Variants in OR8G5 observed in about 807,000 individuals in gnomAD.
OR8G5 encodes olfactory receptor 8G5.
For synonymous variants in OR8G5, 147 were observed against 147.7 expected, an observed-to-expected ratio of 1.00 and a Z score of 0.03; for missense variants, 347 against 371.9, an observed-to-expected ratio of 0.93 and a Z score of 0.55.
intron 1 of OR8G5, 50 bp downstream of exon 1, chr11:124,256,684 G>T (rs139398882): frequency 6.6e-6 from 1 of 152,178 alleles, no homozygotes; most frequent in African/African-American, 2.4e-5. Context: ...AGGTCTAGAA[G>T]TAATCACTGT....
In OR8G5 at chr11:124,266,079, G is replaced by A; in HGVS notation, c.*212G>A. ...ATTACGAAGACATGATATTTTCTTA[G>A]AAGAAATAATAAGATTGACATAGTG... On this transcript the variant is annotated 3_prime_UTR_variant, in exon 2 of 2. Coordinates refer to ENST00000641992, the MANE Select transcript of OR8G5 (RefSeq NM_001005198.2). 1.7e-6 allele frequency: 1 copy of A among 583,402 alleles called. No homozygotes were observed. The highest frequency in any genetic ancestry group is 2.8e-6 in the Non-Finnish European group (1 of 359,490). The allele number at this position is 583,402 out of a possible 1,614,324, so 36.1% of individuals were successfully genotyped here.
intron 1 of OR8G5, 85 bp from the exon 2 acceptor site, chr11:124,264,833 A>C (rs377735388): frequency 1.3e-6 from 2 of 1,541,864 alleles, no homozygotes; most frequent in Non-Finnish European, 1.8e-6. Flanking sequence ...TTAAATGATC[A>C]TATATAAACA....
Position 124,266,011 on chromosome 11 carries a change from G to A in OR8G5, c.*144G>A, listed in dbSNP as rs1862027122. On this transcript the variant is annotated 3_prime_UTR_variant, in exon 2 of 2. Coordinates refer to ENST00000641992, the MANE Select transcript of OR8G5 (RefSeq NM_001005198.2). ...ACTGACGTTATGTCTTATGCACATG[G>A]TCTATTTCATGCCATTTCCCTCTCA... The A allele has an allele frequency of 9.9e-7, 1 of 1,014,100 alleles. No homozygotes were observed. The highest frequency in any genetic ancestry group is 2.6e-5 in the East Asian group (1 of 37,770). 62.8% of individuals were successfully genotyped at this position (1,014,100 alleles called of 1,614,324 possible).
chr11:124,261,224 T>TTTCTC (rs1861968452), intron 1 of OR8G5, among the ~76,000 whole-genome samples: 1 of 151,382 alleles, frequency 6.6e-6, no homozygotes, highest in African/African-American at 2.4e-5. Flanking sequence ...GTTTGTCTAA[T>TTTCTC]TTAAGATTAC....
chr11:124,265,452 TCAAC>T lies in OR8G5; in HGVS notation c.524_527del (p.Asn175IlefsTer10). The T allele has an allele frequency of 6.2e-7, 1 of 1,614,052 alleles. No individual in the cohort carries two copies. Among genetic ancestry groups the T allele is most frequent in the Non-Finnish European group, 8.5e-7 (1 of 1,179,896 alleles). On this transcript the variant is annotated frameshift_variant, in exon 2 of 2. Transcript: ENST00000641992. LOFTEE classifies it low-confidence loss of function (END_TRUNC). ...GTTCAATTCTGCAAATTTGATGTGA[TCAAC>T]CATTATTTCTGTGATCTTATTTCTA...
At chr11:124,261,958 C>T (rs1861975655) in intron 1 of OR8G5, among the ~76,000 whole-genome samples, 1 of 151,742 alleles carries the variant, frequency 6.6e-6, no homozygotes. Context: ...GTGTCTTAAA[C>T]TGTATAATAT....
At chr11:124,264,145 G>A (rs1862003753) in intron 1 of OR8G5, among the ~76,000 whole-genome samples, 1 of 151,838 alleles carries the variant, frequency 6.6e-6, no homozygotes, top group East Asian at 1.9e-4. Flanking sequence ...TTATTAATAG[G>A]TTAATAATGT....
Position 124,265,596 on chromosome 11 carries a change from TTG to T in OR8G5, c.666_667del (p.Ala223GlnfsTer9), listed in dbSNP as rs750348206. On this transcript the variant is annotated frameshift_variant, in exon 2 of 2. Transcript: ENST00000641992. LOFTEE classifies it low-confidence loss of function (END_TRUNC). ...ATCCTCAGCTCTTACATCTTCATCA[TTG>T]CCAGCATCCTCCGCATTCGCTACAC... 2.6e-5 allele frequency: 42 copies of T among 1,613,924 alleles called. No homozygotes were observed. The highest frequency in any genetic ancestry group is 3.5e-5 in the Non-Finnish European group (41 of 1,179,866).
At chr11:124,259,050 A>C (rs1323122557) in intron 1 of OR8G5, among the ~76,000 whole-genome samples, 2 of 152,224 alleles carry the variant, frequency 1.3e-5, no homozygotes, top group African/African-American at 4.8e-5. Flanking sequence ...ATTAATTTTT[A>C]AACTAAGCTT....
At chr11:124,257,566 G>T (rs1332285085) in intron 1 of OR8G5, among the ~76,000 whole-genome samples, 1 of 152,124 alleles carries the variant, frequency 6.6e-6, no homozygotes, top group African/African-American at 2.4e-5. Context: ...GGAAATGCAT[G>T]GGGACACAGG....
chr11:124,264,994 A>T lies in OR8G5; in HGVS notation c.63A>T (p.Ser21=), dbSNP rs774760875. 6.2e-7 allele frequency: 1 copy of T among 1,613,824 alleles called. No homozygotes were observed. The highest frequency in any genetic ancestry group is 1.3e-5 in the African/African-American group (1 of 74,904). ...KFILVGLTEK[S]ELQLPLFLVF... ...TTCTGGTTGGGCTAACAGAGAAGTCAGAGCTACAGCTGCCCCTCTTCCTCG... is the reference window on the plus strand; with the variant it reads ...TTCTGGTTGGGCTAACAGAGAAGTCTGAGCTACAGCTGCCCCTCTTCCTCG... The change falls in exon 2 of 2, where the codon TCA becomes TCT. Residue 21 remains serine, a synonymous_variant. Coordinates refer to ENST00000641992, the MANE Select transcript of OR8G5 (RefSeq NM_001005198.2).
intron 1 of OR8G5, among the ~76,000 whole-genome samples, chr11:124,260,706 A>G (rs1195317700): frequency 6.6e-6 from 1 of 151,974 alleles, no homozygotes; most frequent in East Asian, 1.9e-4. Flanking sequence ...TAGTTGATAC[A>G]TAATTGTACA....
At chr11:124,259,399 G>A (rs1316482650) in intron 1 of OR8G5, among the ~76,000 whole-genome samples, 2 of 152,064 alleles carry the variant, frequency 1.3e-5, no homozygotes, top group South Asian at 2.1e-4. Flanking sequence ...ATTAGAGAGG[G>A]GGTAGCAATA....
At chr11:124,262,659 A>T (rs1425839822) in intron 1 of OR8G5, among the ~76,000 whole-genome samples, 2 of 133,390 alleles carry the variant, frequency 1.5e-5, no homozygotes, top group East Asian at 4.7e-4. Context: ...ATTCAGTTTT[A>T]TATATATGTA....
intron 1 of OR8G5, among the ~76,000 whole-genome samples, chr11:124,259,115 C>T (rs1565318770): frequency 6.6e-6 from 1 of 152,134 alleles, no homozygotes; most frequent in Non-Finnish European, 1.5e-5. Context: ...ACTCTGTTCT[C>T]AAACCTGGAT....
intron 1 of OR8G5, among the ~76,000 whole-genome samples, chr11:124,263,791 A>G (rs1861999553): frequency 6.6e-6 from 1 of 152,098 alleles, no homozygotes; most frequent in African/African-American, 2.4e-5. Flanking sequence ...ATGTGTTAAG[A>G]AATGTATAGA....
At chr11:124,256,684 G>A (rs139398882) in intron 1 of OR8G5, 50 bp downstream of exon 1, 1 of 152,296 alleles carries the variant, frequency 6.6e-6, no homozygotes, top group African/African-American at 2.4e-5. Context: ...AGGTCTAGAA[G>A]TAATCACTGT....
chr11:124,262,315 A>G (rs987631376), intron 1 of OR8G5, among the ~76,000 whole-genome samples: 1 of 151,882 alleles, frequency 6.6e-6, no homozygotes, highest in South Asian at 2.1e-4. Flanking sequence ...AAAATTTTGC[A>G]TAGCCTACAA....
At chr11:124,262,253 A>G (rs561100704) in intron 1 of OR8G5, among the ~76,000 whole-genome samples, 1 of 152,000 alleles carries the variant, frequency 6.6e-6, no homozygotes, top group South Asian at 2.1e-4. Context: ...AGCATGAATG[A>G]TCAAGACAAA....
Sources: gnomAD v4.1 joint callset for allele counts (sites outside exome capture counted in the v4.1 genomes callset) on GRCh38, gnomAD v4.1.1 for gene constraint, MANE v1.5 for transcripts, NCBI Gene and HGNC (gene_info 2026-07-23, HGNC 2026-07-21) for gene names.